Variants in STEAP1B observed in about 807,000 individuals in gnomAD.
STEAP1B encodes the protein STEAP family member 1B, also known as STEAP family protein MGC87042.
A neutral mutation model predicts 27.9 loss-of-function variants in STEAP1B; 13 were observed. That is an observed-to-expected ratio of 0.47 (90% CI 0.30 to 0.74). The LOEUF (loss-of-function observed/expected upper bound fraction) is 0.74, where lower values mean the gene tolerates loss of function less well. Among genes scored for constraint, STEAP1B ranks in the 30% least tolerant of loss-of-function variants. STEAP1B has a pLI of 0.06. For missense variants in STEAP1B, 250 were observed against 298.7 expected, an observed-to-expected ratio of 0.84 and a Z score of 1.20; for synonymous variants, 86 against 107.1, an observed-to-expected ratio of 0.80 and a Z score of 1.22.
intron 4 of STEAP1B, among the ~76,000 whole-genome samples, chr7:22,450,797 A>G (rs1785474955): frequency 6.6e-6 from 1 of 152,108 alleles, no homozygotes; most frequent in Non-Finnish European, 1.5e-5. Flanking sequence ...ATATTTTTCT[A>G]TTTTGGGGTG....
At chr7:22,481,760 C>G in intron 4 of STEAP1B, among the ~76,000 whole-genome samples, 1 of 152,158 alleles carries the variant, frequency 6.6e-6, no homozygotes. Context: ...TGCAGGTGCT[C>G]CCCAGATGAA....
chr7:22,466,247 G>A (rs543257303), intron 4 of STEAP1B, among the ~76,000 whole-genome samples: 1 of 152,030 alleles, frequency 6.6e-6, no homozygotes, highest in Non-Finnish European at 1.5e-5. Flanking sequence ...TAGGTTCAGG[G>A]GATAGATGTT....
intron 4 of STEAP1B, among the ~76,000 whole-genome samples, chr7:22,482,959 T>C (rs1004703396): frequency 6.6e-6 from 1 of 152,116 alleles, no homozygotes; most frequent in Non-Finnish European, 1.5e-5. Context: ...AAAAATAAAA[T>C]GAGGTGCACC....
chr7:22,448,117 T>C (rs1468071142), intron 4 of STEAP1B, among the ~76,000 whole-genome samples: 1 of 152,232 alleles, frequency 6.6e-6, no homozygotes, highest in East Asian at 1.9e-4. Flanking sequence ...TTGTTTACTC[T>C]CATATCTCCT....
intron 4 of STEAP1B, among the ~76,000 whole-genome samples, chr7:22,466,057 G>C (rs962181284): frequency 1.3e-5 from 2 of 152,130 alleles, no homozygotes; most frequent in African/African-American, 4.8e-5. Context: ...TGCCATACAG[G>C]CTCATTCTCA....
At chr7:22,479,380 T>C (rs930969441) in intron 4 of STEAP1B, among the ~76,000 whole-genome samples, 17 of 152,256 alleles carry the variant, frequency 1.1e-4, no homozygotes, top group Non-Finnish European at 2.4e-4. Context: ...CATAGTATTT[T>C]ACAATTTGCA....
intron 4 of STEAP1B, among the ~76,000 whole-genome samples, chr7:22,439,998 C>T (rs1337795829): frequency 2.6e-5 from 4 of 152,138 alleles, no homozygotes; most frequent in Admixed American, 2.6e-4. Context: ...AACTACTTGG[C>T]AAATCAGCCT....
intron 4 of STEAP1B, among the ~76,000 whole-genome samples, chr7:22,458,747 C>A (rs1583641274): frequency 6.6e-6 from 1 of 152,126 alleles, no homozygotes; most frequent in Non-Finnish European, 1.5e-5. Context: ...GCTGCAATGG[C>A]AGGAGATAAA....
At chr7:22,429,021 A>G (rs758973272) in intron 4 of STEAP1B, among the ~76,000 whole-genome samples, 1 of 152,180 alleles carries the variant, frequency 6.6e-6, no homozygotes, top group South Asian at 2.1e-4. Context: ...TTTTGATCTG[A>G]CAGTATGAAG....
At chr7:22,441,969 A>C (rs1785340891) in intron 4 of STEAP1B, among the ~76,000 whole-genome samples, 1 of 152,134 alleles carries the variant, frequency 6.6e-6, no homozygotes, top group South Asian at 2.1e-4. Context: ...TTTAGTCAGC[A>C]GGTCCCAAAT....
At chr7:22,480,289 A>T (rs1217580839) in intron 4 of STEAP1B, among the ~76,000 whole-genome samples, 1 of 152,222 alleles carries the variant, frequency 6.6e-6, no homozygotes, top group Non-Finnish European at 1.5e-5. Flanking sequence ...AGGTCTTCCC[A>T]CATACACAGC....
At chr7:22,428,528 T>TG (rs33910261) in intron 4 of STEAP1B, among the ~76,000 whole-genome samples, 150,707 of 152,262 alleles carry the variant, frequency 0.99, 74,607 homozygotes, top group East Asian at 1. Flanking sequence ...GGAGGAAAGA[T>TG]GAACGGTCCA....
chr7:22,472,040 G>C (rs1009882009), intron 4 of STEAP1B, among the ~76,000 whole-genome samples: 2 of 152,128 alleles, frequency 1.3e-5, no homozygotes, highest in East Asian at 3.8e-4. Context: ...CAAGAACTGG[G>C]TACTTAGGAA....
chr7:22,498,685 G>A (rs745733068), intron 1 of STEAP1B, among the ~76,000 whole-genome samples: 9 of 152,214 alleles, frequency 5.9e-5, no homozygotes, highest in Non-Finnish European at 1.3e-4. Context: ...TCCTAGAAGA[G>A]GATAAAGTTT....
intron 4 of STEAP1B, among the ~76,000 whole-genome samples, chr7:22,486,188 G>A (rs1222200883): frequency 6.6e-6 from 1 of 152,194 alleles, no homozygotes; most frequent in Non-Finnish European, 1.5e-5. Flanking sequence ...TCATGGCTTA[G>A]AGGCACTGCC....
intron 4 of STEAP1B, among the ~76,000 whole-genome samples, chr7:22,475,528 T>C (rs1785955708): frequency 6.6e-6 from 1 of 152,182 alleles, no homozygotes. Flanking sequence ...CATGCCACCA[T>C]GCCTGGCTAG....
At chr7:22,474,860 G>A (rs1028280611) in intron 4 of STEAP1B, among the ~76,000 whole-genome samples, 7 of 152,312 alleles carry the variant, frequency 4.6e-5, no homozygotes, top group East Asian at 1.9e-4. Context: ...TTCCAGTGGT[G>A]AGCCTAAGAC....
intron 4 of STEAP1B, among the ~76,000 whole-genome samples, chr7:22,430,197 C>G (rs145493835): frequency 5.3e-4 from 80 of 152,214 alleles, no homozygotes; most frequent in Middle Eastern, 3.4e-3. Context: ...TAACTAAAAC[C>G]CTTCTTATTG....
At chr7:22,491,576 A>T (rs1387935474) in intron 4 of STEAP1B, among the ~76,000 whole-genome samples, 1 of 152,202 alleles carries the variant, frequency 6.6e-6, no homozygotes, top group South Asian at 2.1e-4. Context: ...AAGAGGAAAG[A>T]AGAGAGAAAA....
Sources: gnomAD v4.1 joint callset for allele counts (sites outside exome capture counted in the v4.1 genomes callset) on GRCh38, gnomAD v4.1.1 for gene constraint, MANE v1.5 for transcripts, NCBI Gene and HGNC (gene_info 2026-07-23, HGNC 2026-07-21) for gene names.